SH3GL3: variants seen among roughly 807,000 people sequenced by gnomAD.
The protein encoded by SH3GL3 is endophilin-A3.
A neutral mutation model predicts 47.7 loss-of-function variants in SH3GL3; 33 were observed. That is an observed-to-expected ratio of 0.69 (90% CI 0.52 to 0.92). The LOEUF is 0.92. Among genes scored for constraint, SH3GL3 ranks in the 40% least tolerant of loss-of-function variants. The probability of loss-of-function intolerance (pLI) is 0.00; values close to 1 mark genes in which losing one functional copy is unlikely to be tolerated. For synonymous variants in SH3GL3, 155 were observed against 148.8 expected (o/e 1.04, Z -0.30); for missense variants, 363 against 417.8 (o/e 0.87, Z 1.14).
downstream of SH3GL3, among the ~76,000 whole-genome samples, chr15:83,623,655 G>C (rs1400656570): frequency 6.6e-6 from 1 of 152,268 alleles, no homozygotes; most frequent in African/African-American, 2.4e-5. Flanking sequence ...AAAGGGTAAA[G>C]AAGTAGGGAT....
intron 1 of SH3GL3, among the ~76,000 whole-genome samples, chr15:83,481,152 A>G (rs1028079406): frequency 6.6e-6 from 1 of 151,748 alleles, no homozygotes; most frequent in African/African-American, 2.4e-5. Context: ...GCAGCCACCT[A>G]TATTCCCAGC....
chr15:83,480,682 G>A (rs2041308231), intron 1 of SH3GL3, among the ~76,000 whole-genome samples: 1 of 152,216 alleles, frequency 6.6e-6, no homozygotes, highest in African/African-American at 2.4e-5. Flanking sequence ...TTGAACATGT[G>A]CAGACTTTTT....
chr15:83,537,823 C>T (rs2043981352), intron 1 of SH3GL3, among the ~76,000 whole-genome samples: 1 of 152,152 alleles, frequency 6.6e-6, no homozygotes, highest in Non-Finnish European at 1.5e-5. Context: ...CATTTATGAT[C>T]TGTCACTGGC....
At chr15:83,529,567 G>T (rs1020214487) in intron 1 of SH3GL3, among the ~76,000 whole-genome samples, 1 of 152,142 alleles carries the variant, frequency 6.6e-6, no homozygotes, top group Non-Finnish European at 1.5e-5. Flanking sequence ...CAAGTCAGGG[G>T]TGGTTGTGCC....
chr15:83,592,541 T>G (rs1444530162), intron 8 of SH3GL3, among the ~76,000 whole-genome samples: 1 of 152,226 alleles, frequency 6.6e-6, no homozygotes, highest in Non-Finnish European at 1.5e-5. Context: ...ATTTAAAGTT[T>G]GGCTTTCACT....
intron 1 of SH3GL3, among the ~76,000 whole-genome samples, chr15:83,450,753 A>AT (rs1198458829): frequency 0.011 from 281 of 25,258 alleles, no homozygotes; most frequent in African/African-American, 0.015. Context: ...AAAATGGGAT[A>AT]TTTTTCTTTT....
intron 6 of SH3GL3, among the ~76,000 whole-genome samples, chr15:83,577,769 G>A (rs1375384581): frequency 6.6e-6 from 1 of 152,220 alleles, no homozygotes; most frequent in South Asian, 2.1e-4. Flanking sequence ...AGATTGCTAA[G>A]TAGACTGGCT....
At chr15:83,593,090 G>A (rs2060150207) in intron 8 of SH3GL3, among the ~76,000 whole-genome samples, 1 of 152,164 alleles carries the variant, frequency 6.6e-6, no homozygotes, top group East Asian at 1.9e-4. Flanking sequence ...TTGTTGTCTT[G>A]ATGACTGTAG....
Position 83,490,324 on chromosome 15 carries a change from G to T in SH3GL3, c.45+42746G>T, listed in dbSNP as rs1352054290. On this transcript the variant is annotated intron_variant, in intron 1 of 8. Coordinates refer to ENST00000427482, the MANE Select transcript of SH3GL3 (RefSeq NM_003027.5). ...AGCAGAGGTTTTGCTCTTACACACT[G>T]CATTGTCCCAGTGACTTCTTATATG... 6.2e-5 allele frequency among the ~76,000 whole-genome samples: 9 copies of T among 145,096 alleles called. No homozygotes were observed. In the Admixed American group the frequency reaches 6.3e-4, roughly 10 times the overall value.
intron 1 of SH3GL3, among the ~76,000 whole-genome samples, chr15:83,463,759 C>CT (rs34882017): frequency 0.012 from 1,109 of 94,534 alleles, 40 homozygotes; most frequent in Admixed American, 0.089. Context: ...TGTCTGCTTT[C>CT]TTTCTTTCTT....
intron 8 of SH3GL3, among the ~76,000 whole-genome samples, chr15:83,604,025 T>C (rs9630496): frequency 0.2 from 30,800 of 152,010 alleles, 3,539 homozygotes; most frequent in African/African-American, 0.31. Flanking sequence ...TCCTAGCTAC[T>C]TGGGAGGCTG....
intron 1 of SH3GL3, among the ~76,000 whole-genome samples, chr15:83,511,755 C>T (rs1015843400): frequency 6.6e-6 from 1 of 152,122 alleles, no homozygotes; most frequent in African/African-American, 2.4e-5. Context: ...GTACCGCGCA[C>T]CTGCTGGTTC....
chr15:83,518,521 G>T (rs1205914515), intron 1 of SH3GL3, among the ~76,000 whole-genome samples: 1 of 152,058 alleles, frequency 6.6e-6, no homozygotes, highest in African/African-American at 2.4e-5. Context: ...CATGTTTTTG[G>T]TTGCTTGTAT....
chr15:83,579,827 G>A (rs1413122282), intron 6 of SH3GL3, among the ~76,000 whole-genome samples: 1 of 152,136 alleles, frequency 6.6e-6, no homozygotes, highest in Non-Finnish European at 1.5e-5. Context: ...AGATCAGAGG[G>A]AATCACCTGA....
chr15:83,484,799 C>T (rs2041519593), intron 1 of SH3GL3, among the ~76,000 whole-genome samples: 2 of 152,202 alleles, frequency 1.3e-5, no homozygotes, highest in East Asian at 1.9e-4. Context: ...CTCTCTCTGA[C>T]ATGAAGCACA....
chr15:83,567,812 A>T (rs1174757318), intron 3 of SH3GL3, among the ~76,000 whole-genome samples: 3 of 152,184 alleles, frequency 2.0e-5, no homozygotes, highest in Non-Finnish European at 4.4e-5. Flanking sequence ...ACAAACAAAC[A>T]AAAAGCATGT....
intron 1 of SH3GL3, among the ~76,000 whole-genome samples, chr15:83,465,111 A>C (rs1274520494): frequency 6.6e-6 from 1 of 151,336 alleles, no homozygotes; most frequent in Non-Finnish European, 1.5e-5. Context: ...GGAGTTGGAG[A>C]CCAGCCTGGC....
intron 1 of SH3GL3, among the ~76,000 whole-genome samples, chr15:83,461,749 A>G (rs540602768): frequency 3.9e-5 from 6 of 152,306 alleles, no homozygotes; most frequent in African/African-American, 9.6e-5. Context: ...TTCGGATACA[A>G]TCTGAAGCCC....
At chr15:83,571,080 C>T (rs1054353111) in intron 4 of SH3GL3, among the ~76,000 whole-genome samples, 2 of 152,160 alleles carry the variant, frequency 1.3e-5, no homozygotes, top group African/African-American at 2.4e-5. Flanking sequence ...GAGGCTGTGC[C>T]GTTGGATGTT....
Sources: gnomAD v4.1 joint callset for allele counts (sites outside exome capture counted in the v4.1 genomes callset) on GRCh38, gnomAD v4.1.1 for gene constraint, MANE v1.5 for transcripts, NCBI Gene and HGNC (gene_info 2026-07-23, HGNC 2026-07-21) for gene names.